NOP2: variants seen among roughly 807,000 people sequenced by gnomAD.
The protein encoded by NOP2 is NOP2 nucleolar protein.
In NOP2, 7 loss-of-function variants were observed where a neutral mutation model predicts 72.7. The observed-to-expected ratio is 0.10, with a 90% CI of 0.05 to 0.18. The LOEUF (loss-of-function observed/expected upper bound fraction) is 0.18. Ranked by LOEUF, NOP2 falls within the 10% of genes least tolerant of loss-of-function variation. NOP2 has a pLI of 1.00. For missense variants in NOP2, 954 were observed against 1,014.7 expected (o/e 0.94, Z 0.81); for synonymous variants, 387 against 388.0 (o/e 1.00, Z 0.03).
intron 11 of NOP2, 36 bp from the exon 12 acceptor site, chr12:6,561,106 T>C: frequency 1.2e-6 from 2 of 1,608,114 alleles, no homozygotes; most frequent in Non-Finnish European, 1.7e-6. Context: ...GATCAGCCAG[T>C]TCCACTGTCT....
Position 6,566,691 on chromosome 12 carries a change from G to A in NOP2, c.150-74C>T, listed in dbSNP as rs148860422. 3.6e-5 allele frequency: 57 copies of A among 1,592,960 alleles called. 1 individual carries two copies. In the African/African-American group the frequency reaches 5.9e-4, roughly 17 times the overall value. On this transcript the variant is annotated intron_variant, in intron 3 of 15. Transcript: ENST00000322166. ...CCAGGCTCTGCCATTTCCACCATAG[G>A]GAAATGTGAGAGTCTAGAATTAACT...
At chr12:6,558,189 A>T (rs1451989255) in intron 15 of NOP2, 3 of 364,938 alleles carry the variant, frequency 8.2e-6, no homozygotes, top group Non-Finnish European at 1.6e-5. Flanking sequence ...TTGGGCCAAA[A>T]GGTTTCTACA....
At chr12:6,564,406 AC>A in intron 5 of NOP2, 1 of 178,524 alleles carries the variant, frequency 5.6e-6, no homozygotes, top group South Asian at 9.1e-5. Context: ...ATAAAGAAGG[AC>A]AAAAATGGCC....
Position 6,561,988 on chromosome 12 carries a change from A to ATT in NOP2, c.979-19_979-18dup, listed in dbSNP as rs370604185. The ATT allele has an allele frequency of 1.8e-3, 2,365 of 1,318,638 alleles. No individual in the cohort carries two copies. The highest frequency in any genetic ancestry group is 2.1e-3 in the Non-Finnish European group (2,007 of 949,614). 81.7% of individuals were successfully genotyped at this position (1,318,638 alleles called of 1,614,324 possible). Reference sequence around the variant, plus strand: ...GATTAGAGCCTGAAAAGGGATGAAGATTTTTTTTTTTTTTTTTTGAGATGG... The same window carrying ATT: ...GATTAGAGCCTGAAAAGGGATGAAGATTTTTTTTTTTTTTTTTTTTGAGATGG... On this transcript the variant is annotated splice_polypyrimidine_tract_variant and intron_variant, in intron 9 of 15. Transcript: ENST00000322166.
Position 6,560,599 on chromosome 12 carries a change from T to A in NOP2, c.1438-30A>T, listed in dbSNP as rs766172256. 2 of 1,601,430 alleles carry A rather than the reference T, an allele frequency of 1.2e-6. No homozygotes were observed. The highest frequency in any genetic ancestry group is 2.2e-5 in the South Asian group (2 of 90,394). On this transcript the variant is annotated intron_variant, in intron 13 of 15. Coordinates refer to ENST00000322166, the MANE Select transcript of NOP2 (RefSeq NM_001258308.2). The surrounding 1 kb of genome is among the most constrained non-coding windows in gnomAD (Gnocchi z 5.0). Reference sequence around the variant, plus strand: ...CCCAAAAAGAGACCCAAAGGCAGCCTCAGGAGGAGAGGGGAGCCCAGAGGG... The same window carrying A: ...CCCAAAAAGAGACCCAAAGGCAGCCACAGGAGGAGAGGGGAGCCCAGAGGG...
At chr12:6,562,969 T>C (rs1947686750) in intron 9 of NOP2, 112 bp downstream of exon 9, 2 of 1,063,408 alleles carry the variant, frequency 1.9e-6, no homozygotes, top group Non-Finnish European at 2.8e-6. Context: ...CCCCCCAGGA[T>C]CATGCTTAGG....
Position 6,560,047 on chromosome 12 carries a change from A to G in NOP2, c.1789+51T>C. The G allele has an allele frequency of 7.4e-7, 1 of 1,354,500 alleles. No homozygotes were observed. The highest frequency in any genetic ancestry group is 1.2e-5 in the South Asian group (1 of 84,840). The allele number at this position is 1,354,500 out of a possible 1,614,324, so 83.9% of individuals were successfully genotyped here. A position where few individuals can be genotyped will look rare whatever the true frequency, so the allele number is the denominator to read the frequency against. On this transcript the variant is annotated intron_variant, in intron 15 of 15. Coordinates refer to ENST00000322166, the MANE Select transcript of NOP2 (RefSeq NM_001258308.2). The surrounding 1 kb of genome is among the most constrained non-coding windows in gnomAD (Gnocchi z 5.0). ...TCTTGTCACACCATAAAGCCTCCTG[A>G]AAGGTGGAAAGAGCAAAGGTGGTGA...
In NOP2 at chr12:6,561,003, A is replaced by G. The variant is rs1383440813; in HGVS notation, c.1275T>C (p.Val425=). 1.9e-6 allele frequency: 3 copies of G among 1,613,958 alleles called. No individual in the cohort carries two copies. Among genetic ancestry groups the G allele is most frequent in the Non-Finnish European group, 2.5e-6 (3 of 1,179,886 alleles). The change falls in exon 12 of 16, where the codon GTT becomes GTC. Residue 425 remains valine (V), a synonymous_variant. Coordinates refer to ENST00000322166, the MANE Select transcript of NOP2 (RefSeq NM_001258308.2). ...CTCCCAGCCGATGCAAGTTGCCCAC[A>G]ACACTCTTGAGCCGCTCAGCATTGG... The part of the protein sequence containing the change: ...NDANAERLKS[V]VGNLHRLGVT...
At chr12:6,559,391 T>C (rs1391568892) in intron 15 of NOP2, among the ~76,000 whole-genome samples, 1 of 152,164 alleles carries the variant, frequency 6.6e-6, no homozygotes, top group African/African-American at 2.4e-5. Flanking sequence ...AGTGCTGGGA[T>C]TACAGGCGTG....
At position 6,560,065 on chromosome 12, in the gene NOP2, G is replaced by A; in HGVS notation, c.1789+33C>T. On this transcript the variant is annotated intron_variant, in intron 15 of 15. Coordinates refer to ENST00000322166, the MANE Select transcript of NOP2 (RefSeq NM_001258308.2). This position sits in a 1 kb window ranked among gnomAD's most constrained non-coding sequence, Gnocchi z 5.0. ...CCTCCTGAAAGGTGGAAAGAGCAAA[G>A]GTGGTGACGAAGGGAAGAAAAAGAT... The A allele has an allele frequency of 2.0e-6, 3 of 1,494,240 alleles. No individual in the cohort carries two copies. Among genetic ancestry groups the A allele is most frequent in the Non-Finnish European group, 1.9e-6 (2 of 1,071,538 alleles). 92.6% of individuals were successfully genotyped at this position (1,494,240 alleles called of 1,614,324 possible).
chr12:6,562,576 A>C (rs1947678494), intron 9 of NOP2, among the ~76,000 whole-genome samples: 1 of 152,174 alleles, frequency 6.6e-6, no homozygotes, highest in African/African-American at 2.4e-5. Flanking sequence ...TGATTTTCTA[A>C]GAGGCTGAGC....
chr12:6,558,141 A>AAT (rs1491164675), intron 15 of NOP2: 2 of 38,060 alleles, frequency 5.3e-5, no homozygotes, highest in Non-Finnish European at 1.1e-4. Context: ...ACACCGTCTC[A>AAT]AAAAAAAAAA....
chr12:6,566,073 T>C (rs765019614), intron 5 of NOP2, 28 bp downstream of exon 5: 36 of 1,560,948 alleles, frequency 2.3e-5, no homozygotes, highest in Non-Finnish European at 2.7e-5. Context: ...AGGATCCTTC[T>C]ATGAATGCCC....
At chr12:6,561,115 C>T (rs1314619298) in intron 11 of NOP2, 45 bp from the exon 12 acceptor site, 2 of 1,603,856 alleles carry the variant, frequency 1.2e-6, no homozygotes, top group Non-Finnish European at 1.7e-6. Flanking sequence ...GTTCCACTGT[C>T]TCCACACTTG....
rs756655128 is a variant in NOP2 at position 6,560,473 on chromosome 12, G to A, written c.1534C>T (p.Leu512=). The A allele has an allele frequency of 4.4e-6, 7 of 1,602,746 alleles. No homozygotes were observed. In the South Asian group the frequency reaches 7.7e-5, roughly 18 times the overall value. ...VNATSKTGGY[L]VYCTCSITVE... is the part of the protein sequence containing the mutation. ...GTGATAGAACAGGTGCAGTAAACCA[G>A]GTAGCCTCCTGTCTTGGAGGTCGCA... Residue 512 remains leucine, a synonymous_variant, in exon 14 of 16, where the codon CTG becomes TTG. Transcript: ENST00000322166. This position sits in a 1 kb window ranked among gnomAD's most constrained non-coding sequence, Gnocchi z 5.0.
intron 11 of NOP2, among the ~76,000 whole-genome samples, 199 bp from the exon 12 acceptor site, chr12:6,561,269 C>T (rs1372928584): frequency 6.6e-6 from 1 of 152,178 alleles, no homozygotes; most frequent in Non-Finnish European, 1.5e-5. Context: ...GTGGTTTTCC[C>T]ATTTTTACCA....
Position 6,560,356 on chromosome 12 carries a change from G to A in NOP2, c.1561-30C>T, listed in dbSNP as rs759475822. 1.9e-6 allele frequency: 3 copies of A among 1,608,714 alleles called. No individual in the cohort carries two copies. Among genetic ancestry groups the A allele is most frequent in the South Asian group, 2.2e-5 (2 of 90,886 alleles). ...ATGTGGGGGGAAGACAAAGAACGGA[G>A]GAAAAAGCAGAGCTGGAGCTGAAGG... On this transcript the variant is annotated intron_variant, in intron 14 of 15. Transcript: ENST00000322166. This position sits in a 1 kb window ranked among gnomAD's most constrained non-coding sequence, Gnocchi z 5.0.
chr12:6,564,244 C>G (rs1182362565), intron 5 of NOP2: 10 of 354,952 alleles, frequency 2.8e-5, no homozygotes, highest in Non-Finnish European at 5.1e-5. Context: ...CCACTGCACT[C>G]CAGCCTGGGC....
At chr12:6,557,715 A>G (rs1405118618) in intron 15 of NOP2, 73 bp from the exon 16 acceptor site, 2 of 1,446,578 alleles carry the variant, frequency 1.4e-6, no homozygotes, top group East Asian at 2.5e-5. Context: ...TCATATTAAA[A>G]TATGAGAATT....
Sources: allele counts gnomAD v4.1 joint callset (sites outside exome capture counted in the v4.1 genomes callset), GRCh38; gene constraint gnomAD v4.1.1; non-coding constraint Gnocchi (gnomAD v3.1); transcripts MANE v1.5; gene names NCBI Gene and HGNC (gene_info 2026-07-23, HGNC 2026-07-21).